BCAS3: variants seen among roughly 807,000 people sequenced by gnomAD.
The protein encoded by BCAS3 is BCAS4/BCAS3 fusion.
In BCAS3, 53 loss-of-function variants were observed where a neutral mutation model predicts 116.1. The observed-to-expected ratio is 0.46, with a 90% CI of 0.37 to 0.57. The LOEUF (loss-of-function observed/expected upper bound fraction) is 0.57, where lower values mean the gene tolerates loss of function less well. Ranked by LOEUF, BCAS3 falls within the 20% of genes least tolerant of loss-of-function variation. BCAS3 has a pLI of 0.00. For synonymous variants in BCAS3, 391 were observed against 408.2 expected (o/e 0.96, Z 0.51); for missense variants, 917 against 1,165.4 (o/e 0.79, Z 3.10).
intron 19 of BCAS3, among the ~76,000 whole-genome samples, chr17:61,070,867 C>T (rs796866000): frequency 1.1e-4 from 16 of 152,256 alleles, no homozygotes; most frequent in African/African-American, 2.9e-4. Context: ...AGTTGTGTGA[C>T]GCTGGCAGGT....
At chr17:61,273,382 A>G (rs1021069974) in intron 22 of BCAS3, among the ~76,000 whole-genome samples, 14 of 152,150 alleles carry the variant, frequency 9.2e-5, no homozygotes, top group Admixed American at 2.6e-4. Flanking sequence ...AAAAAATACC[A>G]TTTTTTAAAA....
chr17:60,707,253 A>G (rs1253665797), intron 4 of BCAS3, among the ~76,000 whole-genome samples: 1 of 151,428 alleles, frequency 6.6e-6, no homozygotes, highest in Non-Finnish European at 1.5e-5. Flanking sequence ...TCCGCCTCCC[A>G]AAGTGCTGGG....
At position 60,752,085 on chromosome 17, in the gene BCAS3, C is replaced by T. The variant is rs1300876022; in HGVS notation, c.403+4806C>T. ...CCCTTAACTATTCACACATGCATAA[C>T]ACTAACTTATATTATTATGTCCCAG... is the stretch of plus-strand genomic sequence containing the variant. On this transcript the variant is annotated intron_variant, in intron 6 of 23. Transcript: ENST00000407086. Among the ~76,000 whole-genome samples, 6 of 151,860 alleles carry T rather than the reference C, an allele frequency of 4.0e-5. No homozygotes were observed. In the East Asian group the frequency reaches 1.2e-3, roughly 29 times the overall value.
At chr17:61,268,561 T>G (rs1234617183) in intron 22 of BCAS3, among the ~76,000 whole-genome samples, 1 of 152,152 alleles carries the variant, frequency 6.6e-6, no homozygotes, top group African/African-American at 2.4e-5. Flanking sequence ...TCCCCACCAG[T>G]AATTGTCTTT....
chr17:61,368,560 T>C lies in BCAS3; in HGVS notation c.2593+66T>C. ...CCAGCACCTGTTGGTGCAGAGCTTC[T>C]CTGGAATCGTTTGTGGGCATATGTT... On this transcript the variant is annotated intron_variant, in intron 23 of 23. Transcript: ENST00000407086. The surrounding 1 kb of genome is among the most constrained non-coding windows in gnomAD (Gnocchi z 6.0). The C allele has an allele frequency of 1.3e-6, 2 of 1,486,160 alleles. No homozygotes were observed. Among genetic ancestry groups the C allele is most frequent in the Non-Finnish European group, 1.8e-6 (2 of 1,104,452 alleles). 92.1% of individuals were successfully genotyped at this position (1,486,160 alleles called of 1,614,324 possible). A position where few individuals can be genotyped will look rare whatever the true frequency, so the allele number is the denominator to read the frequency against.
chr17:61,036,530 A>G (rs2067047239), intron 17 of BCAS3: 2 of 152,106 alleles, frequency 1.3e-5, no homozygotes, highest in Non-Finnish European at 2.9e-5. Context: ...CTCGATTTCA[A>G]ATGCTTCTCC....
At chr17:60,953,715 CT>C (rs2060967874) in intron 14 of BCAS3, among the ~76,000 whole-genome samples, 1 of 146,134 alleles carries the variant, frequency 6.8e-6, no homozygotes, top group African/African-American at 2.6e-5. Flanking sequence ...ATATTTGAGT[CT>C]TTAATTCATC....
At chr17:61,207,751 G>A (rs535185305) in intron 22 of BCAS3, among the ~76,000 whole-genome samples, 8 of 152,148 alleles carry the variant, frequency 5.3e-5, no homozygotes, top group South Asian at 2.1e-4. Flanking sequence ...GAGAAAATCC[G>A]CCCTCTTACA....
chr17:61,232,994 G>A (rs2082781512), intron 22 of BCAS3, among the ~76,000 whole-genome samples: 1 of 152,190 alleles, frequency 6.6e-6, no homozygotes, highest in South Asian at 2.1e-4. Context: ...GGAACCATGT[G>A]CCGAAGTGTT....
chr17:61,315,601 C>T lies in BCAS3; in HGVS notation c.2426-52726C>T, dbSNP rs1048033601. On this transcript the variant is annotated intron_variant, in intron 22 of 23. Transcript: ENST00000407086. The surrounding 1 kb of genome is among the most constrained non-coding windows in gnomAD (Gnocchi z 5.3). ...TATGGGCCAGTGAACCCCAATGATG[C>T]TGGGGTGCCTCTTCCTGTCCCCAAG... Among the ~76,000 whole-genome samples, 3 of 152,180 alleles carry T rather than the reference C, an allele frequency of 2.0e-5. No homozygotes were observed. Among genetic ancestry groups the T allele is most frequent in the African/African-American group, 4.8e-5 (2 of 41,446 alleles).
chr17:61,201,616 AG>A (rs2080819828), intron 22 of BCAS3, among the ~76,000 whole-genome samples: 2 of 152,196 alleles, frequency 1.3e-5, no homozygotes, highest in African/African-American at 4.8e-5. Context: ...GAGTTTGCTC[AG>A]GTTGTGGTTA....
intron 10 of BCAS3, among the ~76,000 whole-genome samples, chr17:60,902,163 T>C (rs949491161): frequency 2.6e-5 from 4 of 152,212 alleles, no homozygotes; most frequent in African/African-American, 4.8e-5. Context: ...CAATTGAAAA[T>C]ATAAATATGG....
intron 14 of BCAS3, among the ~76,000 whole-genome samples, chr17:60,952,165 A>G (rs1432886263): frequency 6.6e-6 from 1 of 151,958 alleles, no homozygotes; most frequent in Non-Finnish European, 1.5e-5. Flanking sequence ...CCCTTACTGT[A>G]TATTTTTTCC....
At chr17:61,154,078 A>G (rs1326050467) in intron 22 of BCAS3, among the ~76,000 whole-genome samples, 4 of 152,148 alleles carry the variant, frequency 2.6e-5, no homozygotes, top group Non-Finnish European at 5.9e-5. Context: ...TCATCCCCCC[A>G]CTGCCACTTT....
At chr17:61,210,659 C>A (rs191766607) in intron 22 of BCAS3, among the ~76,000 whole-genome samples, 45 of 152,264 alleles carry the variant, frequency 3.0e-4, no homozygotes, top group African/African-American at 9.9e-4. Context: ...TAATAGTGAA[C>A]TGCTTGGCAG....
intron 23 of BCAS3, among the ~76,000 whole-genome samples, chr17:61,386,739 G>C (rs34895486): frequency 0.15 from 22,342 of 151,580 alleles, 2,001 homozygotes; most frequent in East Asian, 0.29. Context: ...AAGAGACCCA[G>C]AGAACACCAA....
intron 23 of BCAS3, among the ~76,000 whole-genome samples, chr17:61,386,174 C>T (rs1016198254): frequency 6.6e-6 from 1 of 152,226 alleles, no homozygotes; most frequent in Non-Finnish European, 1.5e-5. Context: ...GTTCGGGAAC[C>T]TGAGGCACAA....
rs2077095439 is a variant in BCAS3, at chr17:61,144,554, T to C, written c.2425+59990T>C. Among the ~76,000 whole-genome samples, 1 of 152,266 alleles carries C rather than the reference T, an allele frequency of 6.6e-6. No individual in the cohort carries two copies. The highest frequency in any genetic ancestry group is 2.1e-4 in the South Asian group (1 of 4,836). ...TTGACTACTTTATCTCTGTTACCTTTCTGAAATGTTTGGCCTAATATTTTT... is the reference window on the plus strand; with the variant it reads ...TTGACTACTTTATCTCTGTTACCTTCCTGAAATGTTTGGCCTAATATTTTT... On this transcript the variant is annotated intron_variant, in intron 22 of 23. Transcript: ENST00000407086. This position sits in a 1 kb window ranked among gnomAD's most constrained non-coding sequence, Gnocchi z 5.0.
chr17:61,040,660 G>A, intron 18 of BCAS3, 132 bp from the exon 19 acceptor site: 2 of 739,032 alleles, frequency 2.7e-6, no homozygotes, highest in Non-Finnish European at 4.5e-6. Flanking sequence ...TCATTTTAAT[G>A]ATTACAAGTT....
Sources: gnomAD v4.1 joint callset for allele counts (sites outside exome capture counted in the v4.1 genomes callset) on GRCh38, gnomAD v4.1.1 for gene constraint, Gnocchi (gnomAD v3.1) non-coding constraint, MANE v1.5 for transcripts, NCBI Gene and HGNC (gene_info 2026-07-23, HGNC 2026-07-21) for gene names.